The following FSTL5 variants were observed in gnomAD, a reference collection of about 807,000 sequenced individuals.
FSTL5 encodes the protein follistatin-related protein 5.
FSTL5 carries 62 observed loss-of-function variants against 89.1 expected under a neutral mutation model. That is an observed-to-expected ratio of 0.70 (90% CI 0.57 to 0.86). The LOEUF is 0.86. Ranked by LOEUF, FSTL5 falls within the 40% of genes least tolerant of loss-of-function variation. The probability of loss-of-function intolerance (pLI) is 0.00; values close to 1 mark genes in which losing one functional copy is unlikely to be tolerated. For synonymous variants in FSTL5, 383 were observed against 346.2 expected, an observed-to-expected ratio of 1.11 and a Z score of -1.18; for missense variants, 1,057 against 1,001.6, an observed-to-expected ratio of 1.06 and a Z score of -0.75.
intron 6 of FSTL5, among the ~76,000 whole-genome samples, chr4:161,723,654 A>G (rs1355258099): frequency 6.6e-6 from 1 of 152,164 alleles, no homozygotes; most frequent in Non-Finnish European, 1.5e-5. Context: ...CAGCAAACTG[A>G]GAAGTATGCT....
At chr4:161,750,731 T>C (rs565397929) in intron 6 of FSTL5, among the ~76,000 whole-genome samples, 1 of 152,252 alleles carries the variant, frequency 6.6e-6, no homozygotes, top group African/African-American at 2.4e-5. Flanking sequence ...TGGTCTCACT[T>C]ATATGTGGAA....
chr4:161,652,312 G>A (rs1223317653), intron 7 of FSTL5, among the ~76,000 whole-genome samples: 1 of 152,110 alleles, frequency 6.6e-6, no homozygotes, highest in African/African-American at 2.4e-5. Flanking sequence ...GCTCACATCT[G>A]TAGTCCTAGC....
At chr4:161,582,428 A>G (rs1186856446) in intron 8 of FSTL5, among the ~76,000 whole-genome samples, 1 of 152,164 alleles carries the variant, frequency 6.6e-6, no homozygotes, top group Non-Finnish European at 1.5e-5. Flanking sequence ...ATTTTTATCC[A>G]GTATTGTTCC....
intron 6 of FSTL5, among the ~76,000 whole-genome samples, chr4:161,713,829 C>T (rs1738885278): frequency 6.6e-6 from 1 of 151,998 alleles, no homozygotes; most frequent in Non-Finnish European, 1.5e-5. Flanking sequence ...TATATTTTAA[C>T]TACTGGATTG....
At chr4:161,483,620 T>G (rs1438158315) in intron 12 of FSTL5, among the ~76,000 whole-genome samples, 1 of 152,210 alleles carries the variant, frequency 6.6e-6, no homozygotes, top group Non-Finnish European at 1.5e-5. Flanking sequence ...CTATTATTTC[T>G]GATTATATTA....
At chr4:161,467,021 T>A (rs1296250989) in intron 13 of FSTL5, among the ~76,000 whole-genome samples, 1 of 152,046 alleles carries the variant, frequency 6.6e-6, no homozygotes, top group Admixed American at 6.6e-5. Flanking sequence ...AAATCAGAAA[T>A]ATCAGTTCAT....
rs566064672 is a variant in FSTL5, at chr4:162,101,089, A to G, written c.126+10182T>C. Among the ~76,000 whole-genome samples the G allele has an allele frequency of 2.6e-5, 4 of 152,342 alleles. No individual in the cohort carries two copies. The East Asian group carries it at 7.7e-4, about 29-fold the overall frequency. ...CTTCAGACAGCCAGGTGGCTAGCTC[A>G]AAGTCTTAGACTAAGCATGCTTTTC... On this transcript the variant is annotated intron_variant, in intron 2 of 15. Transcript: ENST00000306100.
In FSTL5 at chr4:161,864,143, TA is replaced by T. The variant is rs149658943; in HGVS notation, c.409+56260del. On this transcript the variant is annotated intron_variant, in intron 4 of 15. Coordinates refer to ENST00000306100, the MANE Select transcript of FSTL5 (RefSeq NM_020116.5). ...GATTACATCAAGCTCCATCCTGAAATACTTTGTAACCCCAGGACTTATACTA... is the reference window on the plus strand; with the variant it reads ...GATTACATCAAGCTCCATCCTGAAATCTTTGTAACCCCAGGACTTATACTA... 6.6e-3 allele frequency among the ~76,000 whole-genome samples: 1,000 copies of T among 152,280 alleles called. 9 individuals carry two copies. Among genetic ancestry groups the T allele is most frequent in the African/African-American group, 0.023 (937 of 41,554 alleles).
At chr4:162,072,856 G>A (rs1022110610) in intron 2 of FSTL5, among the ~76,000 whole-genome samples, 1 of 151,686 alleles carries the variant, frequency 6.6e-6, no homozygotes, top group East Asian at 1.9e-4. Context: ...TAATTGGGGT[G>A]GACCTCAAGC....
intron 2 of FSTL5, among the ~76,000 whole-genome samples, chr4:162,093,233 C>G (rs1267259331): frequency 1.3e-5 from 2 of 152,088 alleles, no homozygotes; most frequent in Admixed American, 6.5e-5. Context: ...TACAGCAGTG[C>G]TCATTTTTTG....
intron 2 of FSTL5, among the ~76,000 whole-genome samples, chr4:162,083,913 T>A (rs1342258140): frequency 2.6e-5 from 4 of 151,844 alleles, no homozygotes; most frequent in African/African-American, 2.4e-5. Flanking sequence ...TGACTACCAA[T>A]GAATATTTGA....
chr4:161,467,237 AT>A (rs1413375310), intron 13 of FSTL5, among the ~76,000 whole-genome samples: 1 of 152,092 alleles, frequency 6.6e-6, no homozygotes, highest in African/African-American at 2.4e-5. Context: ...TTGGGAAATA[AT>A]TAACTAAATT....
intron 6 of FSTL5, among the ~76,000 whole-genome samples, chr4:161,657,785 AAC>A (rs961871046): frequency 2.6e-5 from 4 of 152,168 alleles, no homozygotes; most frequent in Admixed American, 2.6e-4. Flanking sequence ...CATATAATTC[AAC>A]ACACACACAC....
At chr4:161,487,267 G>T (rs1023431224) in intron 12 of FSTL5, among the ~76,000 whole-genome samples, 4 of 152,080 alleles carry the variant, frequency 2.6e-5, no homozygotes, top group Non-Finnish European at 5.9e-5. Context: ...AAATAGTCAA[G>T]AAGTGGTGTA....
chr4:161,997,601 CTTTTT>C (rs60978465), intron 3 of FSTL5, among the ~76,000 whole-genome samples: 1 of 129,320 alleles, frequency 7.7e-6, no homozygotes, highest in African/African-American at 2.9e-5. Flanking sequence ...TACATGTTAT[CTTTTT>C]TTTTTTTTTT....
chr4:161,583,789 C>T (rs1346926081), intron 8 of FSTL5, among the ~76,000 whole-genome samples: 1 of 152,076 alleles, frequency 6.6e-6, no homozygotes, highest in East Asian at 1.9e-4. Context: ...TTGCCAGCTG[C>T]TTTGAGAAAA....
At chr4:161,940,797 C>T (rs1363981418) in intron 3 of FSTL5, among the ~76,000 whole-genome samples, 2 of 151,402 alleles carry the variant, frequency 1.3e-5, no homozygotes, top group Non-Finnish European at 3.0e-5. Flanking sequence ...GGACTCTAGA[C>T]AATTACTCAA....
chr4:161,734,993 G>A (rs1044522955), intron 6 of FSTL5, among the ~76,000 whole-genome samples: 10 of 152,196 alleles, frequency 6.6e-5, no homozygotes, highest in African/African-American at 1.9e-4. Flanking sequence ...GGAGACAGTG[G>A]CAGAGCTCAC....
intron 2 of FSTL5, among the ~76,000 whole-genome samples, chr4:162,093,715 T>C (rs186462910): frequency 3.7e-4 from 57 of 152,284 alleles, no homozygotes; most frequent in African/African-American, 1.3e-3. Context: ...GGGAATGTCA[T>C]TAAGAAAAGT....
Sources: gnomAD v4.1 joint callset for allele counts (sites outside exome capture counted in the v4.1 genomes callset) on GRCh38, gnomAD v4.1.1 for gene constraint, MANE v1.5 for transcripts, NCBI Gene and HGNC (gene_info 2026-07-23, HGNC 2026-07-21) for gene names.